SYT9: variants seen among roughly 807,000 people sequenced by gnomAD.
SYT9 encodes the protein synaptotagmin-9.
Under a neutral mutation model 48.4 loss-of-function variants are expected in SYT9, and 22 were observed. The observed-to-expected ratio is 0.45, with a 90% confidence interval of 0.32 to 0.65. The LOEUF (loss-of-function observed/expected upper bound fraction) is 0.65. Ranked by LOEUF, SYT9 falls within the 30% of genes least tolerant of loss-of-function variation. The pLI is 0.03. For missense variants in SYT9, 577 were observed against 622.0 expected (o/e 0.93, Z 0.77); for synonymous variants, 265 against 245.0 (o/e 1.08, Z -0.76).
chr11:7,364,460 T>A (rs1850204208), intron 3 of SYT9, among the ~76,000 whole-genome samples: 1 of 152,202 alleles, frequency 6.6e-6, no homozygotes. Context: ...TCCAATAATG[T>A]GATTATTTTC....
At position 7,367,436 on chromosome 11, in the gene SYT9, T is replaced by C. The variant is rs569483755; in HGVS notation, c.1045-48606T>C. ...ATTTTTGCTTTAGTTGTTATAGTTATCCTGTTATTTAGTGTAGACCTCCAA... is the reference window on the plus strand; with the variant it reads ...ATTTTTGCTTTAGTTGTTATAGTTACCCTGTTATTTAGTGTAGACCTCCAA... On this transcript the variant is annotated intron_variant, in intron 3 of 6. Coordinates refer to ENST00000318881, the MANE Select transcript of SYT9 (RefSeq NM_175733.4). Among the ~76,000 whole-genome samples the C allele has an allele frequency of 6.6e-5, 10 of 152,202 alleles. No individual in the cohort carries two copies. In the East Asian group the frequency reaches 9.6e-4, roughly 15 times the overall value.
chr11:7,380,442 G>T (rs550447951), intron 3 of SYT9, among the ~76,000 whole-genome samples: 69 of 152,172 alleles, frequency 4.5e-4, no homozygotes, highest in African/African-American at 1.5e-3. Flanking sequence ...TGGATTATTT[G>T]TGACTCAAAG....
At chr11:7,332,429 G>A (rs1360885344) in intron 3 of SYT9, among the ~76,000 whole-genome samples, 1 of 152,238 alleles carries the variant, frequency 6.6e-6, no homozygotes, top group Non-Finnish European at 1.5e-5. Context: ...TGGATGCACT[G>A]GCTTTGTCAA....
intron 1 of SYT9, among the ~76,000 whole-genome samples, chr11:7,262,247 TAGG>T (rs1219705640): frequency 6.6e-6 from 1 of 152,098 alleles, no homozygotes; most frequent in Non-Finnish European, 1.5e-5. Context: ...AATAGAGTTG[TAGG>T]AGAAGTAATT....
chr11:7,284,410 A>G (rs1007094224), intron 1 of SYT9, among the ~76,000 whole-genome samples: 12 of 152,152 alleles, frequency 7.9e-5, no homozygotes, highest in African/African-American at 2.7e-4. Context: ...AAAGAGAAAC[A>G]TGGTATGTAA....
Position 7,313,838 on chromosome 11 carries a change from C to G in SYT9, c.941C>G (p.Ser314Cys), listed in dbSNP as rs1849191622. ...HFSVYDFDRF[S>C]RHDLIGQVVV... Reference sequence around the variant, plus strand: ...TCTGTGTACGACTTTGACAGGTTCTCTCGTCATGACTTAATCGGCCAAGTG... The same window carrying G: ...TCTGTGTACGACTTTGACAGGTTCTGTCGTCATGACTTAATCGGCCAAGTG... The change falls in exon 3 of 7, where the codon TCT becomes TGT. Residue 314 changes from serine to cysteine, a missense_variant. By Grantham distance (112) the Ser-to-Cys change is moderately radical. Transcript: ENST00000318881. 3 of 1,614,094 alleles carry G rather than the reference C, an allele frequency of 1.9e-6. No homozygotes were observed. The highest frequency in any genetic ancestry group is 2.2e-5 in the East Asian group (1 of 44,890).
chr11:7,348,400 G>A (rs1318228858), intron 3 of SYT9, among the ~76,000 whole-genome samples: 2 of 152,166 alleles, frequency 1.3e-5, no homozygotes, highest in East Asian at 3.9e-4. Context: ...ATCATTTCGG[G>A]TCAGTTTGCA....
chr11:7,281,609 A>G (rs936210005), intron 1 of SYT9, among the ~76,000 whole-genome samples: 10 of 152,182 alleles, frequency 6.6e-5, no homozygotes, highest in African/African-American at 2.4e-4. Context: ...CCATTTACAC[A>G]AAGCCAGATA....
At chr11:7,458,214 C>T (rs997598848) in intron 6 of SYT9, among the ~76,000 whole-genome samples, 23 of 152,266 alleles carry the variant, frequency 1.5e-4, no homozygotes, top group African/African-American at 3.1e-4. Flanking sequence ...GGTGCGGTGG[C>T]GCACACCTGT....
At chr11:7,387,126 C>T (rs1850676522) in intron 3 of SYT9, among the ~76,000 whole-genome samples, 1 of 152,090 alleles carries the variant, frequency 6.6e-6, no homozygotes, top group South Asian at 2.1e-4. Flanking sequence ...AGAAGGGGAA[C>T]ATCACACACC....
rs775071017 is a variant in SYT9 at position 7,418,003 on chromosome 11, G to A, written c.1212G>A (p.Lys404=). 2.5e-6 allele frequency: 4 copies of A among 1,614,172 alleles called. No homozygotes were observed. In the East Asian group the frequency reaches 6.7e-5, roughly 27 times the overall value. Reference sequence around the variant, plus strand: ...TGATGTGTGATGGCAGACGACTGAAGAAGAGGAAAACATCCACCAAGAGGA... The same window carrying A: ...TGATGTGTGATGGCAGACGACTGAAAAAGAGGAAAACATCCACCAAGAGGA... ...VSLMCDGRRL[K]KRKTSTKRNT... Residue 404 remains lysine, a synonymous_variant, in exon 5 of 7, where the codon AAG becomes AAA. Coordinates refer to ENST00000318881, the MANE Select transcript of SYT9 (RefSeq NM_175733.4).
intron 2 of SYT9, among the ~76,000 whole-genome samples, chr11:7,311,524 T>A (rs1849133810): frequency 1.3e-5 from 2 of 152,156 alleles, no homozygotes; most frequent in South Asian, 4.1e-4. Context: ...CTGGATTGTG[T>A]AGACACAGAA....
intron 6 of SYT9, among the ~76,000 whole-genome samples, chr11:7,466,248 T>C (rs1041972030): frequency 6.6e-6 from 1 of 152,190 alleles, no homozygotes; most frequent in Non-Finnish European, 1.5e-5. Flanking sequence ...TCTATAGACC[T>C]CCTCAATCCC....
At chr11:7,420,880 TC>T (rs1441738181) in intron 6 of SYT9, among the ~76,000 whole-genome samples, 2 of 152,326 alleles carry the variant, frequency 1.3e-5, no homozygotes, top group Admixed American at 6.5e-5. Flanking sequence ...TTTTAAAAGA[TC>T]AAGATTCTCT....
intron 3 of SYT9, among the ~76,000 whole-genome samples, chr11:7,315,391 C>A (rs554223085): frequency 1.3e-4 from 20 of 152,186 alleles, no homozygotes; most frequent in Non-Finnish European, 2.2e-4. Context: ...GCTCAGGCAT[C>A]ACCCCCCACT....
chr11:7,401,011 A>G (rs1361044555), intron 3 of SYT9, among the ~76,000 whole-genome samples: 2 of 152,032 alleles, frequency 1.3e-5, no homozygotes, highest in Non-Finnish European at 2.9e-5. Flanking sequence ...GCATGTCATT[A>G]TTTTACTATT....
At chr11:7,243,219 G>A (rs1038396586) in intron 1 of SYT9, among the ~76,000 whole-genome samples, 1 of 152,158 alleles carries the variant, frequency 6.6e-6, no homozygotes, top group African/African-American at 2.4e-5. Context: ...GATATAAGCA[G>A]AGAAGGAAAG....
At position 7,258,329 on chromosome 11, in the gene SYT9, A is replaced by G. The variant is rs367642698; in HGVS notation, c.145+5998A>G. 4.9e-3 allele frequency among the ~76,000 whole-genome samples: 746 copies of G among 152,298 alleles called. 2 individuals carry two copies. The highest frequency in any genetic ancestry group is 7.1e-3 in the Non-Finnish European group (486 of 67,998). ...ATTTTCTGAATGAAGTTTGAATAAAATCACCATTTGTGGAGAAGTTTTCAG... is the reference window on the plus strand; with the variant it reads ...ATTTTCTGAATGAAGTTTGAATAAAGTCACCATTTGTGGAGAAGTTTTCAG... On this transcript the variant is annotated intron_variant, in intron 1 of 6. Coordinates refer to ENST00000318881, the MANE Select transcript of SYT9 (RefSeq NM_175733.4).
intron 3 of SYT9, among the ~76,000 whole-genome samples, chr11:7,358,883 G>T (rs556954957): frequency 6.6e-6 from 1 of 151,866 alleles, no homozygotes; most frequent in East Asian, 1.9e-4. Context: ...GAGTTTTAGG[G>T]TACATGTGCA....
Sources: allele counts gnomAD v4.1 joint callset (sites outside exome capture counted in the v4.1 genomes callset), GRCh38; gene constraint gnomAD v4.1.1; transcripts MANE v1.5; gene names NCBI Gene and HGNC (gene_info 2026-07-23, HGNC 2026-07-21).